The following GCA variants were observed in gnomAD, a reference collection of about 807,000 sequenced individuals.
GCA encodes the protein grancalcin, EF-hand calcium-binding protein.
In GCA, 30 loss-of-function variants were observed where a neutral mutation model predicts 32.6. The observed-to-expected ratio is 0.92, with a 90% CI of 0.69 to 1.25. GCA has a LOEUF of 1.25. Among genes scored for constraint, GCA ranks in the 50% most tolerant of loss-of-function variants. The pLI is 0.00. For synonymous variants in GCA, 102 were observed against 84.6 expected (o/e 1.21, Z -1.13); for missense variants, 291 against 266.8 (o/e 1.09, Z -0.63).
chr2:162,368,034 G>C (rs1685812395), downstream of GCA, among the ~76,000 whole-genome samples: 1 of 151,942 alleles, frequency 6.6e-6, no homozygotes, highest in Non-Finnish European at 1.5e-5. Flanking sequence ...TTTTTAGTGT[G>C]TGTAAGGATC....
chr2:162,361,486 A>T lies in GCA; in HGVS notation c.*1243A>T, dbSNP rs547136245. ...AATTTTATGACTGCTGACCAAATTA[A>T]TTTATAGATTTTATAAAATCCCATG... On this transcript the variant is annotated 3_prime_UTR_variant, in exon 8 of 8. Transcript: ENST00000437150. 4 of 974,432 alleles carry T rather than the reference A, an allele frequency of 4.1e-6. 1 individual carries two copies. In the South Asian group the frequency reaches 1.9e-4, roughly 46 times the overall value. 60.4% of individuals were successfully genotyped at this position (974,432 alleles called of 1,614,324 possible).
upstream of GCA, among the ~76,000 whole-genome samples, chr2:162,339,339 T>C (rs1193292263): frequency 3.3e-5 from 5 of 152,220 alleles, no homozygotes; most frequent in Non-Finnish European, 7.3e-5. Context: ...AGTATGATAA[T>C]TATTGCATGT....
rs1245372919 is a variant in GCA at position 162,331,094 on chromosome 2, T to C, written c.-31+11869T>C. Among the ~76,000 whole-genome samples, 4 of 152,204 alleles carry C rather than the reference T, an allele frequency of 2.6e-5. No individual in the cohort carries two copies. In the East Asian group the frequency reaches 7.7e-4, roughly 29 times the overall value. On this transcript the variant is annotated intron_variant, in intron 1 of 4. Transcript: ENST00000429691. ...AGTATTAGACCGCACTTCAGCACTGTGCTGGGAGGCCATTTTAAACAGTGA... is the reference window on the plus strand; with the variant it reads ...AGTATTAGACCGCACTTCAGCACTGCGCTGGGAGGCCATTTTAAACAGTGA...
intron 7 of GCA, among the ~76,000 whole-genome samples, chr2:162,359,861 T>A (rs1033888149): frequency 6.6e-6 from 1 of 151,272 alleles, no homozygotes; most frequent in Non-Finnish European, 1.5e-5. Flanking sequence ...GGTAGTTTAC[T>A]GTAGTGATAT....
At chr2:162,349,940 A>G (rs1441853443) in intron 2 of GCA, among the ~76,000 whole-genome samples, 1 of 152,204 alleles carries the variant, frequency 6.6e-6, no homozygotes, top group Non-Finnish European at 1.5e-5. Context: ...TTGAGTGTTC[A>G]CTAGGTCTAA....
At chr2:162,371,757 G>A (rs1685954738), downstream of GCA, 1 of 1,382,296 alleles carries the variant, frequency 7.2e-7, no homozygotes, top group Non-Finnish European at 1.0e-6. Context: ...AAGTAGAGAG[G>A]ATTTAAATAG....
At chr2:162,345,651 A>G (rs1684665531) in intron 1 of GCA, among the ~76,000 whole-genome samples, 1 of 152,076 alleles carries the variant, frequency 6.6e-6, no homozygotes, top group South Asian at 2.1e-4. Context: ...AAAATAAACA[A>G]CTCTTTTCAG....
intron 1 of GCA, among the ~76,000 whole-genome samples, chr2:162,327,960 T>C (rs1683944111): frequency 6.6e-6 from 1 of 152,206 alleles, no homozygotes; most frequent in Non-Finnish European, 1.5e-5. Flanking sequence ...CTGGCAGTCC[T>C]CACAGCCCTC....
intron 1 of GCA, among the ~76,000 whole-genome samples, chr2:162,345,000 A>G (rs984700787): frequency 1.3e-5 from 2 of 151,454 alleles, no homozygotes; most frequent in African/African-American, 2.4e-5. Flanking sequence ...TTTACCTAAA[A>G]AGAGAAATTG....
chr2:162,353,973 G>T (rs781455897), intron 3 of GCA, among the ~76,000 whole-genome samples: 10 of 151,312 alleles, frequency 6.6e-5, no homozygotes, highest in Non-Finnish European at 1.3e-4. Context: ...TTTCATTTCT[G>T]CTTTTCATTA....
chr2:162,330,822 T>C (rs534207457), intron 1 of GCA, among the ~76,000 whole-genome samples: 8 of 152,358 alleles, frequency 5.3e-5, no homozygotes, highest in African/African-American at 1.9e-4. Flanking sequence ...AAAGTCACTA[T>C]AAGCACTGAA....
At chr2:162,320,386 C>T (rs974471366) in intron 1 of GCA, among the ~76,000 whole-genome samples, 13 of 152,308 alleles carry the variant, frequency 8.5e-5, no homozygotes, top group Non-Finnish European at 1.6e-4. Flanking sequence ...AAACATACTC[C>T]TATCCCCCAG....
At chr2:162,352,274 T>C in intron 2 of GCA, 64 bp from the exon 3 acceptor site, 12 of 955,362 alleles carry the variant, frequency 1.3e-5, no homozygotes, top group Non-Finnish European at 2.0e-5. Flanking sequence ...GAACAGTCAA[T>C]TGACATTTTA....
At chr2:162,323,450 T>G (rs1432326964) in intron 1 of GCA, among the ~76,000 whole-genome samples, 1 of 151,868 alleles carries the variant, frequency 6.6e-6, no homozygotes, top group Non-Finnish European at 1.5e-5. Flanking sequence ...TTGTTGCCAT[T>G]GCTTTTGGTG....
chr2:162,336,703 T>C (rs1684282039), intron 1 of GCA, among the ~76,000 whole-genome samples: 1 of 152,044 alleles, frequency 6.6e-6, no homozygotes, highest in African/African-American at 2.4e-5. Flanking sequence ...TGGATTTAAT[T>C]AAGTATCAAT....
intron 2 of GCA, among the ~76,000 whole-genome samples, chr2:162,351,715 A>C (rs908234002): frequency 7.2e-5 from 11 of 152,122 alleles, no homozygotes; most frequent in Admixed American, 2.6e-4. Context: ...GGAATTACTT[A>C]TTTTTGTCAA....
chr2:162,322,036 A>G (rs930662044), intron 1 of GCA, among the ~76,000 whole-genome samples: 1 of 149,860 alleles, frequency 6.7e-6, no homozygotes, highest in Non-Finnish European at 1.5e-5. Context: ...ATTTAGCAGG[A>G]AAGTTTATTA....
intron 1 of GCA, among the ~76,000 whole-genome samples, chr2:162,328,408 A>C (rs866711575): frequency 6.6e-6 from 1 of 152,042 alleles, no homozygotes; most frequent in Non-Finnish European, 1.5e-5. Context: ...AAAAGAAAAC[A>C]GAGCCTCTTA....
downstream of GCA, chr2:162,373,667 A>C: frequency 1.4e-6 from 2 of 1,462,874 alleles, no homozygotes; most frequent in Non-Finnish European, 1.8e-6. Context: ...TCAAGCCTAC[A>C]GAACAGACAG....
Sources: gnomAD v4.1 joint callset for allele counts (sites outside exome capture counted in the v4.1 genomes callset) on GRCh38, gnomAD v4.1.1 for gene constraint, MANE v1.5 for transcripts, NCBI Gene and HGNC (gene_info 2026-07-23, HGNC 2026-07-21) for gene names.